The following DNAJC21 variants were observed in gnomAD, a reference collection of about 807,000 sequenced individuals.
DNAJC21 encodes DnaJ heat shock protein family (Hsp40) member C21, also known as dnaJ homolog subfamily C member 21.
Under a neutral mutation model 72.4 loss-of-function variants are expected in DNAJC21, and 63 were observed. The ratio of observed to expected loss-of-function variants is 0.87; its 90% CI spans 0.71 to 1.07. The LOEUF is 1.07. Ranked by LOEUF, DNAJC21 falls within the 50% of genes least tolerant of loss-of-function variation. DNAJC21 has a pLI of 0.00. For synonymous variants in DNAJC21, 203 were observed against 216.7 expected (o/e 0.94, Z 0.56); for missense variants, 634 against 644.8 (o/e 0.98, Z 0.18).
At chr5:34,950,566 A>G in intron 10 of DNAJC21, 2 of 1,154,598 alleles carry the variant, frequency 1.7e-6, no homozygotes, top group Non-Finnish European at 2.1e-6. Flanking sequence ...CAGCATGGCC[A>G]AAATCAGAAA....
In DNAJC21 at chr5:34,937,460, T is replaced by G; in HGVS notation, c.573T>G (p.Ile191Met). 1.2e-6 allele frequency: 2 copies of G among 1,614,122 alleles called. No individual in the cohort carries two copies. Among genetic ancestry groups the G allele is most frequent in the Non-Finnish European group, 8.5e-7 (1 of 1,179,984 alleles). ...CCATGGAAAAAGAAAACAAAAAGAT[T>G]CGGGACAAAGCAAGGAAAGAGAAGA... ...KRAMEKENKK[I>M]RDKARKEKNE... is the part of the protein sequence containing the mutation. Residue 191 changes from isoleucine (I) to methionine (M), a missense_variant, in exon 5 of 12, where the codon ATT becomes ATG. Physicochemically the swap from Ile to Met is conservative, Grantham distance 10. Transcript: ENST00000648817.
Position 34,941,288 on chromosome 5 carries a change from G to A in DNAJC21, c.983+105G>A, listed in dbSNP as rs941287807. On this transcript the variant is annotated intron_variant, in intron 7 of 11. Transcript: ENST00000648817. ...TCATGACTCACCACAGCCTCGACCT[G>A]TTGAACTCAGATGATCCTCCCATGT... is the stretch of plus-strand genomic sequence containing the variant. 4.0e-6 allele frequency: 4 copies of A among 997,986 alleles called. No homozygotes were observed. In the African/African-American group the frequency reaches 6.4e-5, roughly 16 times the overall value. The allele number at this position is 997,986 out of a possible 1,614,324, so 61.8% of individuals were successfully genotyped here.
At chr5:34,941,562 T>C (rs911002012) in intron 7 of DNAJC21, among the ~76,000 whole-genome samples, 10 of 131,624 alleles carry the variant, frequency 7.6e-5, no homozygotes, top group Non-Finnish European at 1.3e-4. Flanking sequence ...TGTGTTTTCT[T>C]TTTTTTTTTT....
Position 34,958,519 on chromosome 5 carries a change from G to A in DNAJC21, c.*3805G>A, listed in dbSNP as rs1765597641. On this transcript the variant is annotated 3_prime_UTR_variant, in exon 12 of 12. Coordinates refer to ENST00000648817, the MANE Select transcript of DNAJC21 (RefSeq NM_001012339.3). Reference sequence around the variant, plus strand: ...TGCAAATGGGAAGGATTTCTTTAAAGCAAGACACAAAAGCATACACAGGAA... The same window carrying A: ...TGCAAATGGGAAGGATTTCTTTAAAACAAGACACAAAAGCATACACAGGAA... 1 of 152,160 alleles carries A rather than the reference G, an allele frequency of 6.6e-6. No homozygotes were observed. Among genetic ancestry groups the A allele is most frequent in the South Asian group, 2.1e-4 (1 of 4,830 alleles). The allele number at this position is 152,160 out of a possible 1,614,324, so 9.4% of individuals were successfully genotyped here. A position where few individuals can be genotyped will look rare whatever the true frequency, so the allele number is the denominator to read the frequency against.
chr5:34,929,811 G>A lies in DNAJC21; in HGVS notation c.-9G>A, dbSNP rs1431122997. ...GGGCCCCAGCGCCGGCCGCCCGCCC[G>A]GTCGGGCGATGAAGTGTCACTATGA... is the stretch of plus-strand genomic sequence containing the variant. On this transcript the variant is annotated 5_prime_UTR_variant, in exon 1 of 12. Transcript: ENST00000648817. 2.2e-6 allele frequency: 3 copies of A among 1,356,572 alleles called. No homozygotes were observed. Among genetic ancestry groups the A allele is most frequent in the African/African-American group, 1.6e-5 (1 of 64,300 alleles). The allele number at this position is 1,356,572 out of a possible 1,614,324, so 84.0% of individuals were successfully genotyped here.
rs1764890948 is a variant in DNAJC21, at chr5:34,938,971, A to G, written c.857A>G (p.Asn286Ser). ...GAGTTTGGAGATGGATCGGATGAAAATGAAATGGAAGAACATGAACTCAAA... is the reference window on the plus strand; with the variant it reads ...GAGTTTGGAGATGGATCGGATGAAAGTGAAATGGAAGAACATGAACTCAAA... Reference protein sequence around the residue: ...EKEFGDGSDENEMEEHELKDE... With the variant: ...EKEFGDGSDESEMEEHELKDE... The change falls in exon 6 of 12, where the codon AAT (asparagine) becomes AGT (serine). Residue 286 changes from asparagine to serine, a missense_variant. Asn to Ser is a conservative substitution (Grantham distance 46). Transcript: ENST00000648817. The G allele has an allele frequency of 6.2e-7, 1 of 1,613,486 alleles. No homozygotes were observed. Among genetic ancestry groups the G allele is most frequent in the African/African-American group, 1.3e-5 (1 of 75,052 alleles).
rs1426394809 is a variant in DNAJC21 at position 34,938,861 on chromosome 5, G to T, written c.747G>T (p.Leu249=). The T allele has an allele frequency of 6.2e-7, 1 of 1,610,916 alleles. No homozygotes were observed. The highest frequency in any genetic ancestry group is 8.5e-7 in the Non-Finnish European group (1 of 1,179,058). The change falls in exon 6 of 12, where the codon CTG becomes CTT. Residue 249 remains leucine, a synonymous_variant. Coordinates refer to ENST00000648817, the MANE Select transcript of DNAJC21 (RefSeq NM_001012339.3). ...RRQQKLKQAK[L]VEQYREQSWM... The stretch of plus-strand genomic sequence containing the variant: ...AGACTGTGCTGTATGTGTCTAGACT[G>T]GTGGAGCAGTACAGAGAACAGAGCT...
intron 10 of DNAJC21, chr5:34,952,573 G>T (rs1765408251): frequency 6.6e-6 from 1 of 152,160 alleles, no homozygotes. Flanking sequence ...ACAAATGGGG[G>T]AAAGTATGAA....
chr5:34,950,591 C>G, intron 10 of DNAJC21: 3 of 1,116,528 alleles, frequency 2.7e-6, no homozygotes, highest in Non-Finnish European at 2.2e-6. Flanking sequence ...TCACTTTGAT[C>G]CAGTTCTTGT....
chr5:34,937,457 G>T lies in DNAJC21; in HGVS notation c.570G>T (p.Lys190Asn). 1 of 1,614,170 alleles carries T rather than the reference G, an allele frequency of 6.2e-7. No homozygotes were observed. Among genetic ancestry groups the T allele is most frequent in the South Asian group, 1.1e-5 (1 of 91,088 alleles). Residue 190 changes from lysine (K) to asparagine (N), a missense_variant, in exon 5 of 12, where the codon AAG becomes AAT. Physicochemically the swap from Lys to Asn is moderately conservative, Grantham distance 94. Transcript: ENST00000648817. ...GAGCCATGGAAAAAGAAAACAAAAA[G>T]ATTCGGGACAAAGCAAGGAAAGAGA... is the stretch of plus-strand genomic sequence containing the variant. ...EKRAMEKENKKIRDKARKEKN... is the reference protein window; with the variant it reads ...EKRAMEKENKNIRDKARKEKN...
At chr5:34,933,625 AT>A (rs1764672253) in intron 1 of DNAJC21, among the ~76,000 whole-genome samples, 189 bp from the exon 2 acceptor site, 1 of 152,054 alleles carries the variant, frequency 6.6e-6, no homozygotes, top group Admixed American at 6.6e-5. Context: ...AAAGCCTGAA[AT>A]TTCTGCTTAG....
chr5:34,957,168 AATT>A lies in DNAJC21; in HGVS notation c.*2455_*2457del, dbSNP rs1224708602. The stretch of plus-strand genomic sequence containing the variant: ...TATTTTTGGTGAATTGCAGACATTT[AATT>A]TCACTTGTCTGAGGTAAAACAATAA... On this transcript the variant is annotated 3_prime_UTR_variant, in exon 12 of 12. Transcript: ENST00000648817. 1.3e-5 allele frequency: 2 copies of A among 152,192 alleles called. No homozygotes were observed. Among genetic ancestry groups the A allele is most frequent in the Non-Finnish European group, 2.9e-5 (2 of 68,038 alleles). The allele number at this position is 152,192 out of a possible 1,614,324, so 9.4% of individuals were successfully genotyped here. A position where few individuals can be genotyped will look rare whatever the true frequency, so the allele number is the denominator to read the frequency against.
chr5:34,930,976 C>T (rs1764569916), intron 1 of DNAJC21, among the ~76,000 whole-genome samples: 1 of 151,820 alleles, frequency 6.6e-6, no homozygotes, highest in African/African-American at 2.4e-5. Context: ...TTCCCCTTCT[C>T]AGAGGAGTTT....
chr5:34,940,102 T>G (rs979364033), intron 6 of DNAJC21, among the ~76,000 whole-genome samples: 4 of 152,176 alleles, frequency 2.6e-5, no homozygotes, highest in Non-Finnish European at 5.9e-5. Context: ...CCCCCTTACA[T>G]GGAGGTTTTG....
intron 8 of DNAJC21, among the ~76,000 whole-genome samples, chr5:34,945,528 T>C (rs1765146443): frequency 6.6e-6 from 1 of 152,238 alleles, no homozygotes. Context: ...AAAGCAGTTT[T>C]TATACCTGGC....
At chr5:34,948,131 G>A (rs889726522) in intron 9 of DNAJC21, among the ~76,000 whole-genome samples, 1 of 152,182 alleles carries the variant, frequency 6.6e-6, no homozygotes, top group African/African-American at 2.4e-5. Flanking sequence ...TATAAATTGA[G>A]GAAAAGAGAA....
chr5:34,953,831 A>G, intron 10 of DNAJC21, 95 bp from the exon 11 acceptor site: 3 of 672,700 alleles, frequency 4.5e-6, no homozygotes, highest in Non-Finnish European at 6.9e-6. Context: ...TTTAAAGTGC[A>G]GTTCACTTTT....
chr5:34,947,654 A>ATTTTTTTTTTTTTTTTTTT (rs1328671559), intron 9 of DNAJC21, among the ~76,000 whole-genome samples: 2 of 103,414 alleles, frequency 1.9e-5, no homozygotes, highest in Non-Finnish European at 2.2e-5. Context: ...AGTTTTCACC[A>ATTTTTTTTTTTTTTTTTTT]TGTTTTTTTT....
chr5:34,952,894 T>C (rs887363143), intron 10 of DNAJC21, among the ~76,000 whole-genome samples: 5 of 152,116 alleles, frequency 3.3e-5, no homozygotes, highest in African/African-American at 1.2e-4. Context: ...CTCACGCTTA[T>C]ATTCCCAGCA....
Sources: allele counts gnomAD v4.1 joint callset (sites outside exome capture counted in the v4.1 genomes callset), GRCh38; gene constraint gnomAD v4.1.1; transcripts MANE v1.5; gene names NCBI Gene and HGNC (gene_info 2026-07-23, HGNC 2026-07-21).